The following GHR variants were observed in gnomAD, a reference collection of about 807,000 sequenced individuals.
GHR encodes GH receptor.
In GHR, 35 loss-of-function variants were observed where a neutral mutation model predicts 67.1. The observed-to-expected ratio is 0.52, with a 90% CI of 0.40 to 0.69. The LOEUF (loss-of-function observed/expected upper bound fraction) is 0.69, where lower values mean the gene tolerates loss of function less well. Among genes scored for constraint, GHR ranks in the 30% least tolerant of loss-of-function variants. GHR has a pLI of 0.00. For missense variants in GHR, 792 were observed against 764.6 expected (o/e 1.04, Z -0.42); for synonymous variants, 272 against 269.1 (o/e 1.01, Z -0.10).
At chr5:42,518,202 TCTG>T (rs1397003112) in intron 1 of GHR, among the ~76,000 whole-genome samples, 1 of 144,972 alleles carries the variant, frequency 6.9e-6, no homozygotes, top group Non-Finnish European at 1.5e-5. Flanking sequence ...TATTAATAAT[TCTG>T]TGTGTGTGTG....
chr5:42,441,527 T>G (rs1349421353), intron 1 of GHR, among the ~76,000 whole-genome samples: 1 of 150,230 alleles, frequency 6.7e-6, no homozygotes, highest in African/African-American at 2.5e-5. Flanking sequence ...TTTTTTTTTT[T>G]GAGACGGAGT....
At chr5:42,435,969 C>A (rs1743306326) in intron 1 of GHR, among the ~76,000 whole-genome samples, 1 of 152,150 alleles carries the variant, frequency 6.6e-6, no homozygotes. Flanking sequence ...ACTCAGCGTA[C>A]ATATGTAGCT....
intron 3 of GHR, among the ~76,000 whole-genome samples, chr5:42,636,062 T>C (rs964510697): frequency 6.6e-6 from 1 of 151,476 alleles, no homozygotes; most frequent in Non-Finnish European, 1.5e-5. Context: ...TACAAAAAAT[T>C]AGCCGGGCGT....
chr5:42,533,256 T>C (rs1156266346), intron 1 of GHR, among the ~76,000 whole-genome samples: 4 of 152,136 alleles, frequency 2.6e-5, no homozygotes, highest in Non-Finnish European at 5.9e-5. Context: ...TCTTCGTTGA[T>C]TCTTCTATTA....
chr5:42,550,433 C>T (rs1748966995), intron 1 of GHR, among the ~76,000 whole-genome samples: 2 of 152,156 alleles, frequency 1.3e-5, no homozygotes, highest in Non-Finnish European at 2.9e-5. Context: ...TCTAGACATT[C>T]TGATTCATAG....
chr5:42,424,358 T>A lies in GHR; in HGVS notation c.-12+403T>A, dbSNP rs80310546. 544 of 591,586 alleles carry A rather than the reference T, an allele frequency of 9.2e-4. 5 individuals are homozygous for A. In the African/African-American group the frequency reaches 9.3e-3, roughly 10 times the overall value. The allele number at this position is 591,586 out of a possible 1,614,324, so 36.6% of individuals were successfully genotyped here. On this transcript the variant is annotated intron_variant, in intron 1 of 9. Coordinates refer to ENST00000230882, the MANE Select transcript of GHR (RefSeq NM_000163.5). The surrounding 1 kb of genome is among the most constrained non-coding windows in gnomAD (Gnocchi z 4.1). ...TTTGTTAAAGTCATAAAAGTTTTGC[T>A]AGTGTGTTTCTGTTTGCCATCATCT...
chr5:42,474,259 G>GA (rs1745147695), intron 1 of GHR, among the ~76,000 whole-genome samples: 1 of 104,948 alleles, frequency 9.5e-6, no homozygotes, highest in Non-Finnish European at 1.9e-5. Context: ...AAGACAGACA[G>GA]AAAGAAAGAA....
At position 42,619,380 on chromosome 5, in the gene GHR, C is replaced by T. The variant is rs145244683; in HGVS notation, c.71-9658C>T. Among the ~76,000 whole-genome samples the T allele has an allele frequency of 3.0e-3, 463 of 152,118 alleles. 4 individuals are homozygous for T. The highest frequency in any genetic ancestry group is 0.011 in the African/African-American group (441 of 41,524). ...GGGCCTATATTCTTGCTTCATATTG[C>T]CTGGAATGTTCTTCCACAAAACATC... On this transcript the variant is annotated intron_variant, in intron 2 of 9. Transcript: ENST00000230882.
At position 42,637,935 on chromosome 5, in the gene GHR, GTTGTTTGT is replaced by G. The variant is rs141831785; in HGVS notation, c.136+8848_136+8855del. The stretch of plus-strand genomic sequence containing the variant: ...CATTCCCACCAGCAGCTATAATATG[GTTGTTTGT>G]TTGTTTGTTTGTTTGAGACGGAGTC... On this transcript the variant is annotated intron_variant, in intron 3 of 9. Coordinates refer to ENST00000230882, the MANE Select transcript of GHR (RefSeq NM_000163.5). Among the ~76,000 whole-genome samples, 7 of 151,900 alleles carry G rather than the reference GTTGTTTGT, an allele frequency of 4.6e-5. No homozygotes were observed. In the East Asian group the frequency reaches 5.8e-4, roughly 13 times the overall value.
chr5:42,556,380 T>A (rs1015214480), intron 1 of GHR, among the ~76,000 whole-genome samples: 5 of 152,156 alleles, frequency 3.3e-5, no homozygotes, highest in African/African-American at 1.2e-4. Context: ...TTATCTCCTT[T>A]TAGATTAGGT....
intron 2 of GHR, among the ~76,000 whole-genome samples, chr5:42,592,784 G>GCAGTT (rs1751858839): frequency 6.6e-6 from 1 of 152,140 alleles, no homozygotes. Flanking sequence ...GGGTAAAATA[G>GCAGTT]CAGTTCTATT....
In GHR at chr5:42,634,252, C is replaced by T. The variant is rs185272135; in HGVS notation, c.136+5149C>T. On this transcript the variant is annotated intron_variant, in intron 3 of 9. Transcript: ENST00000230882. ...AGTATCTGGCCCTACAGTAAGCTTA[C>T]GTGGTATTTATTGTATTCTCTTATG... 1.0e-3 allele frequency among the ~76,000 whole-genome samples: 158 copies of T among 151,994 alleles called. 1 individual carries two copies. The highest frequency in any genetic ancestry group is 3.7e-3 in the African/African-American group (154 of 41,446).
At chr5:42,480,412 G>A (rs552927969) in intron 1 of GHR, among the ~76,000 whole-genome samples, 1 of 152,322 alleles carries the variant, frequency 6.6e-6, no homozygotes, top group East Asian at 1.9e-4. Flanking sequence ...TCCACTTGGT[G>A]TAGAACTGAG....
chr5:42,485,382 A>G (rs2112170577), intron 1 of GHR, among the ~76,000 whole-genome samples: 1 of 152,138 alleles, frequency 6.6e-6, no homozygotes, highest in Middle Eastern at 3.4e-3. Flanking sequence ...AAGCATTAAT[A>G]CCCCCATCAT....
intron 1 of GHR, among the ~76,000 whole-genome samples, chr5:42,471,685 GAA>G: frequency 6.6e-6 from 1 of 152,004 alleles, no homozygotes; most frequent in Non-Finnish European, 1.5e-5. Flanking sequence ...TAAGTGCCTA[GAA>G]CTGTAGCTGG....
intron 1 of GHR, among the ~76,000 whole-genome samples, chr5:42,555,163 AATGCCCC>A (rs1177259034): frequency 6.6e-6 from 1 of 152,204 alleles, no homozygotes; most frequent in Admixed American, 6.5e-5. Flanking sequence ...GAGGCAGGAT[AATGCCCC>A]ATGTCATGGA....
chr5:42,451,938 A>G (rs1364410724), intron 1 of GHR, among the ~76,000 whole-genome samples: 1 of 152,098 alleles, frequency 6.6e-6, no homozygotes, highest in Non-Finnish European at 1.5e-5. Context: ...GTACTGTTCT[A>G]TTCATTATGT....
intron 6 of GHR, among the ~76,000 whole-genome samples, chr5:42,706,372 G>A (rs1442269400): frequency 6.6e-6 from 1 of 152,096 alleles, no homozygotes; most frequent in Non-Finnish European, 1.5e-5. Flanking sequence ...TTCTTTTGCT[G>A]TGCAGAAGCT....
intron 3 of GHR, among the ~76,000 whole-genome samples, chr5:42,649,968 G>C (rs1754932148): frequency 2.6e-5 from 4 of 152,130 alleles, no homozygotes. Context: ...TTTCCTTTAA[G>C]AAATATAGAC....
Sources: gnomAD v4.1 joint callset for allele counts (sites outside exome capture counted in the v4.1 genomes callset) on GRCh38, gnomAD v4.1.1 for gene constraint, Gnocchi (gnomAD v3.1) non-coding constraint, MANE v1.5 for transcripts, NCBI Gene and HGNC (gene_info 2026-07-23, HGNC 2026-07-21) for gene names.